Variants in SPATA6 observed in about 807,000 individuals in gnomAD.
SPATA6 encodes spermatogenesis-associated protein 6.
Under a neutral mutation model 65.3 loss-of-function variants are expected in SPATA6, and 56 were observed. The observed-to-expected ratio is 0.86, with a 90% CI of 0.69 to 1.07. The LOEUF (loss-of-function observed/expected upper bound fraction) is 1.07, where lower values mean the gene tolerates loss of function less well. SPATA6 is among the 50% of genes least tolerant of loss of function. The pLI is 0.00. For synonymous variants in SPATA6, 199 were observed against 213.2 expected, an observed-to-expected ratio of 0.93 and a Z score of 0.58; for missense variants, 590 against 594.8, an observed-to-expected ratio of 0.99 and a Z score of 0.08.
chr1:48,355,659 T>C lies in SPATA6; in HGVS notation c.1194+11A>G. On this transcript the variant is annotated intron_variant, in intron 11 of 12. Coordinates refer to ENST00000371847, the MANE Select transcript of SPATA6 (RefSeq NM_019073.4). ...ATAAATAGTCTTCAAAAAAAAATTT[T>C]AGAAACTAACATATAAATGTCTTTG... 6.3e-7 allele frequency: 1 copy of C among 1,596,472 alleles called. No homozygotes were observed. Among genetic ancestry groups the C allele is most frequent in the South Asian group, 1.1e-5 (1 of 88,006 alleles).
At chr1:48,342,137 T>C (rs1180308669) in intron 11 of SPATA6, among the ~76,000 whole-genome samples, 2 of 152,210 alleles carry the variant, frequency 1.3e-5, no homozygotes, top group African/African-American at 4.8e-5. Flanking sequence ...TTGTATACTA[T>C]GGGATCTCTG....
chr1:48,423,708 C>T (rs549974175), intron 3 of SPATA6, among the ~76,000 whole-genome samples: 12 of 151,798 alleles, frequency 7.9e-5, no homozygotes, highest in South Asian at 4.2e-4. Flanking sequence ...CCACCATGCC[C>T]GGCTAATGTT....
At chr1:48,316,896 G>T (rs1215037750) in intron 11 of SPATA6, among the ~76,000 whole-genome samples, 1 of 152,160 alleles carries the variant, frequency 6.6e-6, no homozygotes, top group South Asian at 2.1e-4. Context: ...CTCAAAAGAA[G>T]ACATTTATGC....
intron 5 of SPATA6, among the ~76,000 whole-genome samples, chr1:48,409,468 C>A (rs1004495417): frequency 6.6e-6 from 1 of 152,186 alleles, no homozygotes; most frequent in Non-Finnish European, 1.5e-5. Context: ...GTAGATCTAC[C>A]ATTCTGGGAT....
At chr1:48,387,782 C>A (rs1028099322) in intron 8 of SPATA6, among the ~76,000 whole-genome samples, 3 of 152,208 alleles carry the variant, frequency 2.0e-5, no homozygotes, top group African/African-American at 7.2e-5. Context: ...ACACTCATAG[C>A]CACTACCACC....
chr1:48,287,213 G>T, the SPATA6 span, among the ~76,000 whole-genome samples: 2 of 151,912 alleles, frequency 1.3e-5, no homozygotes, highest in African/African-American at 2.4e-5. Context: ...GAAGGGGGAG[G>T]TGCTACACAT....
chr1:48,450,685 T>A (rs1311623029), intron 3 of SPATA6, among the ~76,000 whole-genome samples: 2 of 152,188 alleles, frequency 1.3e-5, no homozygotes, highest in East Asian at 3.9e-4. Flanking sequence ...AAAGAGTTAT[T>A]TGGAGAAGAG....
chr1:48,367,555 C>T lies in SPATA6; in HGVS notation c.910-7785G>A, dbSNP rs1040797227. ...GATCCCTTTACCATTATGTAATGGC[C>T]TTCTTTGTCTCTTTTGATCTTTGTT... On this transcript the variant is annotated intron_variant, in intron 9 of 12. Transcript: ENST00000371847. 4.6e-5 allele frequency among the ~76,000 whole-genome samples: 7 copies of T among 152,080 alleles called. 1 individual carries two copies. Among genetic ancestry groups the T allele is most frequent in the Admixed American group, 4.6e-4 (7 of 15,266 alleles).
the SPATA6 span, chr1:48,262,270 A>G: frequency 6.6e-6 from 1 of 152,134 alleles, no homozygotes; most frequent in Non-Finnish European, 1.5e-5. Context: ...TGAATATACA[A>G]TATGCTTCAC....
At chr1:48,411,266 T>C (rs1652199493) in intron 5 of SPATA6, among the ~76,000 whole-genome samples, 198 bp downstream of exon 5, 1 of 152,242 alleles carries the variant, frequency 6.6e-6, no homozygotes, top group African/African-American at 2.4e-5. Context: ...TGTTTTTACA[T>C]TGCTGTAAAT....
At chr1:48,444,003 G>A (rs994004285) in intron 3 of SPATA6, among the ~76,000 whole-genome samples, 2 of 152,122 alleles carry the variant, frequency 1.3e-5, no homozygotes, top group Non-Finnish European at 2.9e-5. Context: ...CAACTGCAGG[G>A]TCCTTTCTTC....
intron 3 of SPATA6, among the ~76,000 whole-genome samples, chr1:48,433,389 T>C (rs946556092): frequency 1.3e-5 from 2 of 152,138 alleles, no homozygotes; most frequent in Non-Finnish European, 2.9e-5. Context: ...AACACAAATA[T>C]TAAGTTAATG....
chr1:48,378,032 A>T (rs895805818), intron 9 of SPATA6, among the ~76,000 whole-genome samples: 29 of 152,222 alleles, frequency 1.9e-4, no homozygotes, highest in African/African-American at 7.0e-4. Flanking sequence ...AAGCCGTAAG[A>T]TGGGTCACAG....
At chr1:48,292,009 C>A (rs1406676304), downstream of SPATA6, among the ~76,000 whole-genome samples, 1 of 152,214 alleles carries the variant, frequency 6.6e-6, no homozygotes, top group Non-Finnish European at 1.5e-5. Flanking sequence ...GCTCACCAAG[C>A]ATCTAAAGGA....
chr1:48,273,417 C>T, the SPATA6 span, among the ~76,000 whole-genome samples: 6 of 152,148 alleles, frequency 3.9e-5, no homozygotes, highest in South Asian at 6.2e-4. Flanking sequence ...TAGGTATACA[C>T]GTACCATGGT....
At chr1:48,352,201 T>C (rs1379432627) in intron 11 of SPATA6, among the ~76,000 whole-genome samples, 1 of 151,956 alleles carries the variant, frequency 6.6e-6, no homozygotes, top group African/African-American at 2.4e-5. Context: ...TTAAAAACCA[T>C]CAGACCTCAT....
At chr1:48,269,658 A>G in the SPATA6 span, among the ~76,000 whole-genome samples, 1 of 152,080 alleles carries the variant, frequency 6.6e-6, no homozygotes, top group African/African-American at 2.4e-5. Context: ...GATGAGGTTC[A>G]GAAGGTTGAA....
rs953825047 is a variant in SPATA6, at chr1:48,362,279, A to T, written c.910-2509T>A. On this transcript the variant is annotated intron_variant, in intron 9 of 12. Transcript: ENST00000371847. ...AAAGAAAAAGAAAAAAAAGAAAAGA[A>T]AGAAAAAGAAAGTGGGAGAAGGTGT... 3.3e-5 allele frequency among the ~76,000 whole-genome samples: 5 copies of T among 152,128 alleles called. No individual in the cohort carries two copies. In the South Asian group the frequency reaches 1.0e-3, roughly 31 times the overall value.
intron 1 of SPATA6, among the ~76,000 whole-genome samples, chr1:48,469,302 G>A (rs1029782965): frequency 1.3e-5 from 2 of 151,978 alleles, no homozygotes; most frequent in African/African-American, 4.8e-5. Flanking sequence ...GTTATTCATT[G>A]AACTATTCTT....
Sources: gnomAD v4.1 joint callset for allele counts (sites outside exome capture counted in the v4.1 genomes callset) on GRCh38, gnomAD v4.1.1 for gene constraint, MANE v1.5 for transcripts, NCBI Gene and HGNC (gene_info 2026-07-23, HGNC 2026-07-21) for gene names.